The following SLC26A11 variants were observed in gnomAD, a reference collection of about 807,000 sequenced individuals.
SLC26A11 encodes solute carrier family 26 member 11.
Under a neutral mutation model 62.2 loss-of-function variants are expected in SLC26A11, and 58 were observed. The ratio of observed to expected loss-of-function variants is 0.93; its 90% CI spans 0.76 to 1.16. SLC26A11 has a LOEUF of 1.16. SLC26A11 is among the 50% of genes most tolerant of loss of function. The probability of loss-of-function intolerance (pLI) is 0.00; values close to 1 mark genes in which losing one functional copy is unlikely to be tolerated. For synonymous variants in SLC26A11, 411 were observed against 368.9 expected (o/e 1.11, Z -1.31); for missense variants, 790 against 794.3 (o/e 0.99, Z 0.06).
At chr17:80,241,946 T>G (rs1474505746) in intron 10 of SLC26A11, 125 bp downstream of exon 10, 2 of 1,021,598 alleles carry the variant, frequency 2.0e-6, no homozygotes, top group Non-Finnish European at 3.1e-6. Context: ...AGGGCAAAGG[T>G]GGCCCCAGAT....
chr17:80,238,816 TTTTGTTTTTTG>T (rs1362212676), intron 9 of SLC26A11, among the ~76,000 whole-genome samples: 1 of 141,826 alleles, frequency 7.1e-6, no homozygotes, highest in African/African-American at 2.9e-5. Context: ...AAGGAGTTTT[TTTTGTTTTTTG>T]TTTTTTTTTT....
intron 9 of SLC26A11, among the ~76,000 whole-genome samples, chr17:80,239,872 A>G (rs2042810605): frequency 6.6e-6 from 1 of 152,260 alleles, no homozygotes; most frequent in African/African-American, 2.4e-5. Context: ...GTGACATGTG[A>G]AAAGTATATG....
intron 5 of SLC26A11, among the ~76,000 whole-genome samples, chr17:80,224,228 AGTGTGAGT>A (rs1567943488): frequency 8.2e-5 from 12 of 145,482 alleles, no homozygotes; most frequent in Middle Eastern, 3.5e-3. Context: ...AGTGTGTGAG[AGTGTGAGT>A]GGGTTTGAGG....
At chr17:80,224,361 G>A (rs571139434) in intron 5 of SLC26A11, among the ~76,000 whole-genome samples, 1 of 122,890 alleles carries the variant, frequency 8.1e-6, no homozygotes, top group Admixed American at 9.1e-5. Context: ...GTGGGTGTGA[G>A]GGAGTGTGAG....
In SLC26A11 at chr17:80,241,796, T is replaced by C; in HGVS notation, c.1011T>C (p.Asp337=). 6.2e-7 allele frequency: 1 copy of C among 1,614,222 alleles called. No homozygotes were observed. The highest frequency in any genetic ancestry group is 8.5e-7 in the Non-Finnish European group (1 of 1,180,038). Reference sequence around the variant, plus strand: ...CATCTCAGAATAATTACCGCATCGATGCCAACCAGGAGCTGCTGGCCATCG... The same window carrying C: ...CATCTCAGAATAATTACCGCATCGACGCCAACCAGGAGCTGCTGGCCATCG... ...AFASQNNYRI[D]ANQELLAIGL... is the part of the protein sequence containing the mutation. The change falls in exon 10 of 18, where the codon GAT becomes GAC. Residue 337 remains aspartate (D), a synonymous_variant. Coordinates refer to ENST00000361193, the MANE Select transcript of SLC26A11 (RefSeq NM_001166347.2).
At chr17:80,221,838 G>A (rs1309424698) in intron 3 of SLC26A11, 44 bp downstream of exon 3, 2 of 1,556,804 alleles carry the variant, frequency 1.3e-6, no homozygotes, top group Non-Finnish European at 1.7e-6. Context: ...CAGAAACAGT[G>A]CAGAATACAC....
At position 80,241,290 on chromosome 17, in the gene SLC26A11, C is replaced by T. The variant is rs141638552; in HGVS notation, c.986-481C>T. On this transcript the variant is annotated intron_variant, in intron 9 of 17. Transcript: ENST00000361193. ...CTTGTTGTTGTTTGAGACAGGGTCTCACTCTGTCGCCCAGACTGGAGTGCG... is the reference window on the plus strand; with the variant it reads ...CTTGTTGTTGTTTGAGACAGGGTCTTACTCTGTCGCCCAGACTGGAGTGCG... Among the ~76,000 whole-genome samples, 1,411 of 152,300 alleles carry T rather than the reference C, an allele frequency of 9.3e-3. 13 individuals are homozygous for T. Among genetic ancestry groups the T allele is most frequent in the Non-Finnish European group, 0.016 (1,090 of 68,022 alleles).
At chr17:80,251,182 G>A (rs2043145366) in intron 16 of SLC26A11, 147 bp from the exon 17 acceptor site, 1 of 1,508,918 alleles carries the variant, frequency 6.6e-7, no homozygotes, top group Admixed American at 2.0e-5. Context: ...GCATTCCCCT[G>A]GGGCTGCGTT....
rs1200006082 is a variant in SLC26A11, at chr17:80,246,171, AG to A, written c.1116del (p.Gln372HisfsTer12). On this transcript the variant is annotated frameshift_variant, in exon 12 of 18. Coordinates refer to ENST00000361193, the MANE Select transcript of SLC26A11 (RefSeq NM_001166347.2). LOFTEE classifies it high-confidence loss of function. The surrounding 1 kb of genome is among the most constrained non-coding windows in gnomAD (Gnocchi z 4.4). ...GSFGRTAVNA[Q>X]SGVCTPAGGL... The stretch of plus-strand genomic sequence containing the variant: ...CCTTCCAGGACAGCCGTGAACGCTC[AG>A]TCGGGGGTGTGCACCCCGGCGGGGG... The A allele has an allele frequency of 1.2e-6, 2 of 1,613,026 alleles. No individual in the cohort carries two copies. The highest frequency in any genetic ancestry group is 2.7e-5 in the African/African-American group (2 of 74,926).
At chr17:80,238,713 G>A (rs145733395) in intron 9 of SLC26A11, among the ~76,000 whole-genome samples, 2 of 152,148 alleles carry the variant, frequency 1.3e-5, no homozygotes, top group African/African-American at 4.8e-5. Flanking sequence ...ATGTTACTGT[G>A]ACTGTGTAAA....
Position 80,221,739 on chromosome 17 carries a change from T to G in SLC26A11, c.179T>G (p.Leu60Arg). 6.2e-7 allele frequency: 1 copy of G among 1,613,614 alleles called. No individual in the cohort carries two copies. The highest frequency in any genetic ancestry group is 1.1e-5 in the South Asian group (1 of 91,090). The change falls in exon 3 of 18, where the codon CTC becomes CGC. Residue 60 changes from leucine (L) to arginine (R), a missense_variant. Leu to Arg is a moderately radical substitution (Grantham distance 102, BLOSUM62 -2). Transcript: ENST00000361193. ...MDFVAGLSVG[L>R]TAIPQALAYA... is the part of the protein sequence containing the mutation. The stretch of plus-strand genomic sequence containing the variant: ...TTCGTCGCCGGCCTCTCAGTTGGCC[T>G]CACTGCCATTCCCCAGGCGCTGGCC...
chr17:80,247,991 C>A, intron 13 of SLC26A11, 139 bp from the exon 14 acceptor site: 1 of 1,061,324 alleles, frequency 9.4e-7, no homozygotes, highest in Non-Finnish European at 1.3e-6. Flanking sequence ...CTGCTGTCCC[C>A]AAGTCCTCAG....
At position 80,222,758 on chromosome 17, in the gene SLC26A11, C is replaced by T; in HGVS notation, c.338C>T (p.Ser113Phe). 6.2e-7 allele frequency: 1 copy of T among 1,614,192 alleles called. No homozygotes were observed. The highest frequency in any genetic ancestry group is 8.5e-7 in the Non-Finnish European group (1 of 1,180,036). ...GPTAIMSLLV[S>F]FYTFHEPAYA... ...ACCGCCATTATGTCCCTCCTGGTCT[C>T]CTTCTACACCTTCCATGAGCCCGCC... The change falls in exon 4 of 18, where the codon TCC becomes TTC. Residue 113 changes from serine (S) to phenylalanine (F), a missense_variant. By Grantham distance (155) the Ser-to-Phe change is radical. Transcript: ENST00000361193. This position sits in a 1 kb window ranked among gnomAD's most constrained non-coding sequence, Gnocchi z 4.7.
At chr17:80,237,191 AG>A (rs2042719893) in intron 8 of SLC26A11, 88 bp downstream of exon 8, 1 of 1,454,694 alleles carries the variant, frequency 6.9e-7, no homozygotes, top group Non-Finnish European at 9.3e-7. Flanking sequence ...GCTGGGTGCC[AG>A]GGGGTCTGAG....
At chr17:80,248,028 T>G in intron 13 of SLC26A11, 102 bp from the exon 14 acceptor site, 3 of 1,382,574 alleles carry the variant, frequency 2.2e-6, no homozygotes, top group Non-Finnish European at 2.9e-6. Flanking sequence ...ATGAGCACCT[T>G]TACTCATATG....
rs761676347 is a variant in SLC26A11, at chr17:80,237,014, G to A, written c.823G>A (p.Glu275Lys). Residue 275 changes from glutamate (E) to lysine (K), a missense_variant, in exon 8 of 18, where the codon GAG (glutamate) becomes AAG (lysine). Glu to Lys is a moderately conservative substitution (Grantham distance 56, BLOSUM62 1). Coordinates refer to ENST00000361193, the MANE Select transcript of SLC26A11 (RefSeq NM_001166347.2). Reference protein sequence around the residue: ...TGYQPFILTGETAEGLPPVRI... With the variant: ...TGYQPFILTGKTAEGLPPVRI... Reference sequence around the variant, plus strand: ...ATACCAGCCTTTCATCCTAACAGGGGAGACAGCTGAGGGGCTCCCTCCAGT... The same window carrying A: ...ATACCAGCCTTTCATCCTAACAGGGAAGACAGCTGAGGGGCTCCCTCCAGT... 15 of 1,614,052 alleles carry A rather than the reference G, an allele frequency of 9.3e-6. No individual in the cohort carries two copies. Among genetic ancestry groups the A allele is most frequent in the Non-Finnish European group, 1.3e-5 (15 of 1,180,022 alleles).
In SLC26A11 at chr17:80,246,322, C is replaced by G; in HGVS notation, c.1153+113C>G. 6.9e-7 allele frequency: 1 copy of G among 1,449,258 alleles called. No homozygotes were observed. Among genetic ancestry groups the G allele is most frequent in the East Asian group, 2.3e-5 (1 of 43,634 alleles). 89.8% of individuals were successfully genotyped at this position (1,449,258 alleles called of 1,614,324 possible). A position where few individuals can be genotyped will look rare whatever the true frequency, so the allele number is the denominator to read the frequency against. On this transcript the variant is annotated intron_variant, in intron 12 of 17. Transcript: ENST00000361193. The surrounding 1 kb of genome is among the most constrained non-coding windows in gnomAD (Gnocchi z 4.4). Reference sequence around the variant, plus strand: ...ATGGGCCGTGCGCCCCGGGACTGCACAGGGACTTGGGGGGCCACACAGGAG... The same window carrying G: ...ATGGGCCGTGCGCCCCGGGACTGCAGAGGGACTTGGGGGGCCACACAGGAG...
chr17:80,248,779 C>A, intron 15 of SLC26A11, 105 bp downstream of exon 15: 2 of 1,115,666 alleles, frequency 1.8e-6, no homozygotes, highest in South Asian at 1.4e-5. Flanking sequence ...GCTCTCCAGT[C>A]CACAAGGATG....
At chr17:80,233,678 C>T (rs2042619196) in intron 7 of SLC26A11, among the ~76,000 whole-genome samples, 1 of 150,964 alleles carries the variant, frequency 6.6e-6, no homozygotes, top group African/African-American at 2.4e-5. Context: ...ACTCCTAGAC[C>T]CAAGCAATCC....
Sources: gnomAD v4.1 joint callset for allele counts (sites outside exome capture counted in the v4.1 genomes callset) on GRCh38, gnomAD v4.1.1 for gene constraint, Gnocchi (gnomAD v3.1) non-coding constraint, MANE v1.5 for transcripts, NCBI Gene and HGNC (gene_info 2026-07-23, HGNC 2026-07-21) for gene names.